The following ADAM32 variants were observed in gnomAD, a reference collection of about 807,000 sequenced individuals.
The protein encoded by ADAM32 is disintegrin and metalloproteinase domain-containing protein 32.
In ADAM32, 89 loss-of-function variants were observed where a neutral mutation model predicts 114.9. That is an observed-to-expected ratio of 0.77 (90% CI 0.65 to 0.92). The LOEUF is 0.92. ADAM32 is among the 40% of genes least tolerant of loss of function. The probability of loss-of-function intolerance (pLI) is 0.00; values close to 1 mark genes in which losing one functional copy is unlikely to be tolerated. For synonymous variants in ADAM32, 285 were observed against 307.5 expected (o/e 0.93, Z 0.77); for missense variants, 870 against 932.8 (o/e 0.93, Z 0.88).
intron 11 of ADAM32, among the ~76,000 whole-genome samples, chr8:39,207,703 TCCTCTCTCTCTTTCCCTCACCAG>T (rs1190147619): frequency 6.6e-6 from 1 of 152,184 alleles, no homozygotes. Flanking sequence ...CTCCCAGTCT[TCCTCTCTCTCTTTCCCTCACCAG>T]CCTCTGGTAA....
At chr8:39,182,902 G>A (rs1805991758) in intron 10 of ADAM32, among the ~76,000 whole-genome samples, 1 of 152,142 alleles carries the variant, frequency 6.6e-6, no homozygotes, top group South Asian at 2.1e-4. Flanking sequence ...GGATGCCATT[G>A]GTTACAACCG....
intron 20 of ADAM32, among the ~76,000 whole-genome samples, chr8:39,273,304 G>A (rs555971134): frequency 2.4e-4 from 37 of 152,010 alleles, no homozygotes; most frequent in Non-Finnish European, 4.9e-4. Context: ...TCAGGAGTTC[G>A]AAACTAGCCT....
At chr8:39,237,824 A>G (rs774140870) in intron 16 of ADAM32, among the ~76,000 whole-genome samples, 4 of 152,208 alleles carry the variant, frequency 2.6e-5, no homozygotes, top group Admixed American at 6.5e-5. Context: ...CAAAAATGAC[A>G]GTAACTCATG....
intron 17 of ADAM32, among the ~76,000 whole-genome samples, chr8:39,251,403 C>T (rs1811298169): frequency 6.6e-6 from 1 of 151,558 alleles, no homozygotes; most frequent in Admixed American, 6.6e-5. Context: ...TTTTATAAGC[C>T]ATTTTAACTG....
intron 17 of ADAM32, 59 bp from the exon 18 acceptor site, chr8:39,254,355 C>T: frequency 7.3e-7 from 1 of 1,364,092 alleles, no homozygotes; most frequent in East Asian, 2.5e-5. Context: ...AAGCTTGATG[C>T]TCACCTTCTC....
At chr8:39,158,621 G>A (rs1804306363) in intron 6 of ADAM32, 5 of 244,642 alleles carry the variant, frequency 2.0e-5, no homozygotes, top group Non-Finnish European at 3.2e-5. Flanking sequence ...TCTTCACCTT[G>A]CCATGATGCC....
intron 14 of ADAM32, among the ~76,000 whole-genome samples, chr8:39,230,004 C>A (rs111725568): frequency 3.5e-4 from 53 of 152,236 alleles, no homozygotes; most frequent in African/African-American, 1.1e-3. Context: ...CTCTCTCAGA[C>A]CACATTTATC....
At chr8:39,203,719 C>G (rs1276694842) in intron 11 of ADAM32, among the ~76,000 whole-genome samples, 7 of 152,298 alleles carry the variant, frequency 4.6e-5, no homozygotes, top group African/African-American at 1.7e-4. Flanking sequence ...GCGGTTTCTT[C>G]CTAGCATTGA....
At chr8:39,194,759 G>T (rs1252920472) in intron 11 of ADAM32, among the ~76,000 whole-genome samples, 1 of 152,204 alleles carries the variant, frequency 6.6e-6, no homozygotes, top group Non-Finnish European at 1.5e-5. Context: ...GGGCAAGACT[G>T]CTTTGCAGAC....
At chr8:39,224,024 A>G (rs993566071) in intron 14 of ADAM32, 1 of 152,150 alleles carries the variant, frequency 6.6e-6, no homozygotes, top group Non-Finnish European at 1.5e-5. Flanking sequence ...GTTTGTGTAT[A>G]TGTATATATC....
At chr8:39,235,144 G>C (rs531342487) in intron 16 of ADAM32, among the ~76,000 whole-genome samples, 29 of 151,898 alleles carry the variant, frequency 1.9e-4, no homozygotes, top group Non-Finnish European at 2.1e-4. Context: ...TAAATATTTA[G>C]AAATTAAAAT....
chr8:39,210,300 C>T (rs1471328578), intron 11 of ADAM32, among the ~76,000 whole-genome samples: 2 of 152,134 alleles, frequency 1.3e-5, no homozygotes, highest in Admixed American at 6.5e-5. Flanking sequence ...AGATTGGGGA[C>T]GGGATGGTGT....
intron 17 of ADAM32, among the ~76,000 whole-genome samples, chr8:39,248,287 A>G (rs1384459306): frequency 2.0e-5 from 3 of 152,194 alleles, no homozygotes; most frequent in African/African-American, 7.2e-5. Flanking sequence ...GTAAGAACTG[A>G]TATCTTGACG....
chr8:39,127,144 T>A (rs930041816), intron 2 of ADAM32, among the ~76,000 whole-genome samples: 3 of 152,196 alleles, frequency 2.0e-5, no homozygotes, highest in Non-Finnish European at 4.4e-5. Context: ...TTTTGTTGTA[T>A]CTCTGTCAGG....
In ADAM32 at chr8:39,107,788, T is replaced by C; in HGVS notation, c.13T>C (p.Trp5Arg). 1 of 1,550,486 alleles carries C rather than the reference T, an allele frequency of 6.4e-7. No individual in the cohort carries two copies. The highest frequency in any genetic ancestry group is 8.7e-7 in the Non-Finnish European group (1 of 1,146,660). ...CCGAAGCCGCACCATGTTCCGCCTC[T>C]GGTTGCTGCTGGCCGGGCTCTGCGG... is the stretch of plus-strand genomic sequence containing the variant. The part of the protein sequence containing the change: MFRL[W>R]LLLAGLCGLL... Residue 5 changes from tryptophan (W) to arginine (R), a missense_variant, in exon 1 of 25, where the codon TGG becomes CGG. By Grantham distance (101) the Trp-to-Arg change is moderately radical. Coordinates refer to ENST00000379907, the MANE Select transcript of ADAM32 (RefSeq NM_145004.7).
chr8:39,160,084 C>G (rs946221866), intron 6 of ADAM32, among the ~76,000 whole-genome samples: 2 of 152,094 alleles, frequency 1.3e-5, no homozygotes, highest in African/African-American at 4.8e-5. Context: ...ATTCCAAGAT[C>G]AGGAATGGCA....
chr8:39,216,800 GA>G (rs1475172145), intron 12 of ADAM32, among the ~76,000 whole-genome samples: 1 of 143,792 alleles, frequency 7.0e-6, no homozygotes, highest in African/African-American at 3.0e-5. Flanking sequence ...ATATCGTACT[GA>G]CTATGTCTTG....
chr8:39,272,101 G>GAAAAAAAAAAAAAAAAAAAAA (rs11366445), intron 20 of ADAM32, among the ~76,000 whole-genome samples: 6 of 65,806 alleles, frequency 9.1e-5, no homozygotes, highest in Admixed American at 1.8e-4. Flanking sequence ...GTGAGCTCCA[G>GAAAAAAAAAAAAAAAAAAAAA]AAAAAAAAAA....
intron 16 of ADAM32, among the ~76,000 whole-genome samples, chr8:39,235,364 A>G (rs560482134): frequency 6.3e-4 from 96 of 152,266 alleles, no homozygotes; most frequent in African/African-American, 2.2e-3. Flanking sequence ...TAGTGGTTTT[A>G]TAGTATAAAT....
Sources: allele counts gnomAD v4.1 joint callset (sites outside exome capture counted in the v4.1 genomes callset), GRCh38; gene constraint gnomAD v4.1.1; transcripts MANE v1.5; gene names NCBI Gene and HGNC (gene_info 2026-07-23, HGNC 2026-07-21).